Variants in HCRTR2 observed in about 807,000 individuals in gnomAD.
HCRTR2 encodes the protein hypocretin receptor 2.
Under a neutral mutation model 49.0 loss-of-function variants are expected in HCRTR2, and 22 were observed. The observed-to-expected ratio is 0.45, with a 90% confidence interval of 0.32 to 0.64. The LOEUF (loss-of-function observed/expected upper bound fraction) is 0.64, where lower values mean the gene tolerates loss of function less well. Ranked by LOEUF, HCRTR2 falls within the 30% of genes least tolerant of loss-of-function variation. The pLI is 0.04. For synonymous variants in HCRTR2, 236 were observed against 205.3 expected (o/e 1.15, Z -1.28); for missense variants, 491 against 559.4 (o/e 0.88, Z 1.23).
At chr6:55,276,751 T>A (rs1160967082) in intron 4 of HCRTR2, among the ~76,000 whole-genome samples, 1 of 152,060 alleles carries the variant, frequency 6.6e-6, no homozygotes, top group Non-Finnish European at 1.5e-5. Flanking sequence ...CCTCAATGGG[T>A]TTGTGTGCAT....
At chr6:55,139,015 T>C (rs1416892836) in intron 1 of HCRTR2, among the ~76,000 whole-genome samples, 1 of 151,876 alleles carries the variant, frequency 6.6e-6, no homozygotes, top group Non-Finnish European at 1.5e-5. Flanking sequence ...CCAAACAAAA[T>C]TGGAAGTGTA....
intron 1 of HCRTR2, among the ~76,000 whole-genome samples, chr6:55,207,890 T>A (rs1765629562): frequency 6.6e-6 from 1 of 152,216 alleles, no homozygotes; most frequent in African/African-American, 2.4e-5. Context: ...GCATTCATTT[T>A]AAAAGTCTGC....
intron 1 of HCRTR2, among the ~76,000 whole-genome samples, chr6:55,109,845 C>T (rs1409532160): frequency 1.3e-5 from 2 of 152,102 alleles, no homozygotes; most frequent in African/African-American, 2.4e-5. Context: ...GAGACCTAAA[C>T]ATTCGAATAC....
chr6:55,237,504 T>G (rs1242613445), intron 1 of HCRTR2, among the ~76,000 whole-genome samples: 3 of 152,166 alleles, frequency 2.0e-5, no homozygotes, highest in African/African-American at 7.2e-5. Flanking sequence ...TTATTTTTGG[T>G]TAGGTACTAA....
chr6:55,107,773 A>G (rs1581775907), intron 1 of HCRTR2, among the ~76,000 whole-genome samples: 1 of 152,118 alleles, frequency 6.6e-6, no homozygotes, highest in Admixed American at 6.6e-5. Flanking sequence ...TTCTAAATTT[A>G]CTGCTGATTT....
intron 1 of HCRTR2, among the ~76,000 whole-genome samples, chr6:55,164,704 C>T (rs1226522493): frequency 4.3e-4 from 66 of 151,998 alleles, no homozygotes; most frequent in East Asian, 3.9e-4. Context: ...AGCAAACCAC[C>T]GTGGCACATG....
chr6:55,113,178 A>G (rs531454029), intron 1 of HCRTR2, among the ~76,000 whole-genome samples: 5 of 152,110 alleles, frequency 3.3e-5, no homozygotes, highest in African/African-American at 1.2e-4. Context: ...TAAAAATTCT[A>G]GAAGATAACA....
intron 1 of HCRTR2, among the ~76,000 whole-genome samples, chr6:55,135,450 T>C (rs1452181104): frequency 6.6e-6 from 1 of 152,112 alleles, no homozygotes; most frequent in Non-Finnish European, 1.5e-5. Flanking sequence ...ACTACTCATC[T>C]GTTATGGTTT....
intron 1 of HCRTR2, among the ~76,000 whole-genome samples, chr6:55,111,521 C>T (rs1764048880): frequency 1.3e-5 from 2 of 152,044 alleles, no homozygotes; most frequent in South Asian, 4.1e-4. Context: ...ACTATGAACA[C>T]CTTTACATGC....
Position 55,152,559 on chromosome 6 carries a change from A to G in HCRTR2, c.-377-21652A>G, listed in dbSNP as rs186607628. ...AAATACTATAGCCTAAGTAGCTTAT[A>G]AAAAACAGAAATTTATTTGCCAAAG... On this transcript the variant is annotated intron_variant, in intron 1 of 7. Coordinates refer to the HCRTR2 transcript ENST00000615358. Among the ~76,000 whole-genome samples the G allele has an allele frequency of 3.0e-4, 46 of 152,118 alleles. No homozygotes were observed. In the East Asian group the frequency reaches 7.7e-3, roughly 26 times the overall value.
At chr6:55,255,796 A>G (rs1209425445) in intron 3 of HCRTR2, among the ~76,000 whole-genome samples, 1 of 152,136 alleles carries the variant, frequency 6.6e-6, no homozygotes, top group African/African-American at 2.4e-5. Flanking sequence ...TTCAAATACA[A>G]CTGAATTTTT....
Position 55,128,210 on chromosome 6 carries a change from T to A in HCRTR2, c.-378+21665T>A, listed in dbSNP as rs138073522. Among the ~76,000 whole-genome samples the A allele has an allele frequency of 5.4e-4, 82 of 152,310 alleles. No homozygotes were observed. The East Asian group carries it at 0.011, about 21-fold the overall frequency. ...TCCCCATTGCTTGCTTTTGTCCGGTTTGTCAAAGATCAGTTAGTTGTAGGT... is the reference window on the plus strand; with the variant it reads ...TCCCCATTGCTTGCTTTTGTCCGGTATGTCAAAGATCAGTTAGTTGTAGGT... On this transcript the variant is annotated intron_variant, in intron 1 of 7. Coordinates refer to the HCRTR2 transcript ENST00000615358.
chr6:55,173,374 G>T (rs1326209213), upstream of HCRTR2, among the ~76,000 whole-genome samples: 1 of 152,182 alleles, frequency 6.6e-6, no homozygotes, highest in Non-Finnish European at 1.5e-5. Context: ...CTACTCTGAA[G>T]CTGAAGTTCA....
intron 1 of HCRTR2, among the ~76,000 whole-genome samples, chr6:55,181,080 G>A (rs1015027829): frequency 6.6e-6 from 1 of 151,542 alleles, no homozygotes; most frequent in Non-Finnish European, 1.5e-5. Flanking sequence ...TGCTGGGATT[G>A]CAGGCATGAG....
intron 4 of HCRTR2, 106 bp from the exon 5 acceptor site, chr6:55,277,274 C>A: frequency 1.1e-6 from 1 of 899,836 alleles, no homozygotes. Context: ...ACCTCCCACA[C>A]CTCAGGCGTC....
At chr6:55,158,712 A>ACGACAGTT (rs1012781800) in intron 1 of HCRTR2, among the ~76,000 whole-genome samples, 1 of 152,228 alleles carries the variant, frequency 6.6e-6, no homozygotes, top group Non-Finnish European at 1.5e-5. Flanking sequence ...GGTGGAGCCC[A>ACGACAGTT]CGACAGTTCG....
At chr6:55,238,142 T>C (rs1259338253) in intron 1 of HCRTR2, among the ~76,000 whole-genome samples, 1 of 152,192 alleles carries the variant, frequency 6.6e-6, no homozygotes, top group African/African-American at 2.4e-5. Flanking sequence ...ATTTCTCATC[T>C]TCTATCTACT....
chr6:55,115,767 T>A (rs1416463111), intron 1 of HCRTR2, among the ~76,000 whole-genome samples: 1 of 151,628 alleles, frequency 6.6e-6, no homozygotes, highest in East Asian at 1.9e-4. Flanking sequence ...CAGAAAATGA[T>A]AATAGCTGAA....
At chr6:55,150,319 CTTATTA>C (rs113621822) in intron 1 of HCRTR2, among the ~76,000 whole-genome samples, 1 of 150,790 alleles carries the variant, frequency 6.6e-6, no homozygotes, top group South Asian at 2.1e-4. Flanking sequence ...GTTCTTTCTT[CTTATTA>C]TTATTATTAT....
Sources: gnomAD v4.1 joint callset for allele counts (sites outside exome capture counted in the v4.1 genomes callset) on GRCh38, gnomAD v4.1.1 for gene constraint, MANE v1.5 for transcripts, NCBI Gene and HGNC (gene_info 2026-07-23, HGNC 2026-07-21) for gene names.